Variants in SRSF10 observed in about 807,000 individuals in gnomAD.
SRSF10 encodes the protein serine and arginine rich splicing factor 10.
Under a neutral mutation model 32.6 loss-of-function variants are expected in SRSF10, and 9 were observed. The observed-to-expected ratio is 0.28, with a 90% confidence interval of 0.17 to 0.48. The LOEUF is 0.48. Among genes scored for constraint, SRSF10 ranks in the 20% least tolerant of loss-of-function variants. The probability of loss-of-function intolerance (pLI) is 0.99; values close to 1 mark genes in which losing one functional copy is unlikely to be tolerated. For missense variants in SRSF10, 201 were observed against 331.8 expected, an observed-to-expected ratio of 0.61 and a Z score of 3.06; for synonymous variants, 105 against 112.4, an observed-to-expected ratio of 0.93 and a Z score of 0.42.
chr1:23,965,814 C>T lies in SRSF10; in HGVS notation c.*5328G>A, dbSNP rs1641423020. On this transcript the variant is annotated 3_prime_UTR_variant, in exon 6 of 6. Transcript: ENST00000492112. ...TAATTTTTTTTAAACAAAACCCCAA[C>T]TCAATATGCACCTTAATTCTCCCCC... The T allele has an allele frequency of 2.0e-5, 3 of 151,822 alleles. No homozygotes were observed. The highest frequency in any genetic ancestry group is 7.2e-5 in the African/African-American group (3 of 41,402). 9.4% of individuals were successfully genotyped at this position (151,822 alleles called of 1,614,324 possible).
chr1:23,980,315 G>A lies in SRSF10; in HGVS notation c.-60C>T. The A allele has an allele frequency of 1.5e-6, 2 of 1,378,322 alleles. No individual in the cohort carries two copies. The highest frequency in any genetic ancestry group is 1.9e-4 in the Middle Eastern group (1 of 5,260). The allele number at this position is 1,378,322 out of a possible 1,614,324, so 85.4% of individuals were successfully genotyped here. Reference sequence around the variant, plus strand: ...GCTCAGCAAACCGTCCGCGGCTCAGGCGGCCGAGCCTCAGACACACACAGC... The same window carrying A: ...GCTCAGCAAACCGTCCGCGGCTCAGACGGCCGAGCCTCAGACACACACAGC... On this transcript the variant is annotated 5_prime_UTR_variant, in exon 1 of 6. Coordinates refer to ENST00000492112, the MANE Select transcript of SRSF10 (RefSeq NM_054016.4).
At position 23,971,838 on chromosome 1, in the gene SRSF10, C is replaced by T. The variant is rs1245446232; in HGVS notation, c.437+12G>A. 3 of 1,596,906 alleles carry T rather than the reference C, an allele frequency of 1.9e-6. No individual in the cohort carries two copies. The highest frequency in any genetic ancestry group is 2.6e-6 in the Non-Finnish European group (3 of 1,174,196). ...TTTTTAAACAGATCACTGTGCTACA[C>T]AGCACACTTACTTTCTAGGACTATA... On this transcript the variant is annotated intron_variant, in intron 4 of 5. Coordinates refer to ENST00000492112, the MANE Select transcript of SRSF10 (RefSeq NM_054016.4).
chr1:23,973,215 T>C (rs1269735113), intron 3 of SRSF10, among the ~76,000 whole-genome samples: 2 of 152,250 alleles, frequency 1.3e-5, no homozygotes, highest in Admixed American at 1.3e-4. Context: ...ATAATACTAA[T>C]ATCCCCAACT....
Position 23,970,722 on chromosome 1 carries a change from G to C in SRSF10, c.*420C>G, listed in dbSNP as rs1641707179. On this transcript the variant is annotated 3_prime_UTR_variant, in exon 6 of 6. Transcript: ENST00000492112. ...GAACCTAAATGTGTCTGAGCAGTCA[G>C]TGTTGTACTGTGGCTACTACTTCAC... 1.0e-6 allele frequency: 1 copy of C among 1,003,298 alleles called. No homozygotes were observed. The highest frequency in any genetic ancestry group is 1.2e-6 in the Non-Finnish European group (1 of 841,544). 62.1% of individuals were successfully genotyped at this position (1,003,298 alleles called of 1,614,324 possible). A position where few individuals can be genotyped will look rare whatever the true frequency, so the allele number is the denominator to read the frequency against.
In SRSF10 at chr1:23,969,219, C is replaced by G. The variant is rs1641605120; in HGVS notation, c.*1923G>C. ...TGTTAAAAAGAACATATAAAAATAC[C>G]TTTTTAGAAGCCTCTATAAGAAAGA... On this transcript the variant is annotated 3_prime_UTR_variant, in exon 6 of 6. Coordinates refer to ENST00000492112, the MANE Select transcript of SRSF10 (RefSeq NM_054016.4). The G allele has an allele frequency of 1.7e-5, 17 of 984,934 alleles. No homozygotes were observed. The highest frequency in any genetic ancestry group is 2.1e-5 in the Non-Finnish European group (17 of 829,208). The allele number at this position is 984,934 out of a possible 1,614,324, so 61.0% of individuals were successfully genotyped here. A position where few individuals can be genotyped will look rare whatever the true frequency, so the allele number is the denominator to read the frequency against.
At position 23,974,841 on chromosome 1, in the gene SRSF10, AAAAG is replaced by A. The variant is rs1442500130; in HGVS notation, c.274+129_274+132del. ...GAGTGAGACTCCGTCTCAAAAAAAA[AAAAG>A]AAAGAAAGAAAGAAAAAAAAGATCC... On this transcript the variant is annotated intron_variant, in intron 3 of 5. Coordinates refer to ENST00000492112, the MANE Select transcript of SRSF10 (RefSeq NM_054016.4). 292 of 728,342 alleles carry A rather than the reference AAAAG, an allele frequency of 4.0e-4. 1 individual carries two copies. The highest frequency in any genetic ancestry group is 2.0e-3 in the Middle Eastern group (5 of 2,458). 45.1% of individuals were successfully genotyped at this position (728,342 alleles called of 1,614,324 possible).
chr1:23,972,797 G>A (rs4397609), intron 3 of SRSF10, among the ~76,000 whole-genome samples: 149,218 of 150,780 alleles, frequency 0.99, 73,852 homozygotes, highest in South Asian at 1. Flanking sequence ...GCCGGAGTGC[G>A]ATGGCGCAAT....
At position 23,966,996 on chromosome 1, in the gene SRSF10, A is replaced by C. The variant is rs1641485729; in HGVS notation, c.*4146T>G. On this transcript the variant is annotated 3_prime_UTR_variant, in exon 6 of 6. Transcript: ENST00000492112. ...CATTTACTGAATAAGGGAATTATCT[A>C]TTTTTCTCAATTATCCAGTACAATG... 1 of 152,070 alleles carries C rather than the reference A, an allele frequency of 6.6e-6. No individual in the cohort carries two copies. The highest frequency in any genetic ancestry group is 2.1e-4 in the South Asian group (1 of 4,830). 9.4% of individuals were successfully genotyped at this position (152,070 alleles called of 1,614,324 possible). A position where few individuals can be genotyped will look rare whatever the true frequency, so the allele number is the denominator to read the frequency against.
chr1:23,971,689 A>G (rs1330471654), intron 4 of SRSF10, 63 bp from the exon 5 acceptor site: 145 of 1,566,094 alleles, frequency 9.3e-5, no homozygotes, highest in Non-Finnish European at 1.2e-4. Flanking sequence ...GTTTCTAATT[A>G]AAAGCAAACC....
Position 23,967,717 on chromosome 1 carries a change from G to A in SRSF10, c.*3425C>T. On this transcript the variant is annotated 3_prime_UTR_variant, in exon 6 of 6. Coordinates refer to ENST00000492112, the MANE Select transcript of SRSF10 (RefSeq NM_054016.4). ...AACTGTACTGGGTATTCCAGCTGCA[G>A]TTTGGTCTTAAATAAAAGAAGGATG... 6.2e-7 allele frequency: 1 copy of A among 1,610,710 alleles called. No homozygotes were observed. Among genetic ancestry groups the A allele is most frequent in the Non-Finnish European group, 8.5e-7 (1 of 1,177,174 alleles).
chr1:23,971,451 G>T lies in SRSF10; in HGVS notation c.492-12C>A. ...TTCGGTGTTTGAATCTTTCAAAACA[G>T]AGGAGAGATATAATTAGAGTAAAAA... On this transcript the variant is annotated splice_polypyrimidine_tract_variant and intron_variant, in intron 5 of 5. Coordinates refer to ENST00000492112, the MANE Select transcript of SRSF10 (RefSeq NM_054016.4). 1 of 1,602,858 alleles carries T rather than the reference G, an allele frequency of 6.2e-7. No individual in the cohort carries two copies. Among genetic ancestry groups the T allele is most frequent in the Non-Finnish European group, 8.5e-7 (1 of 1,176,658 alleles).
In SRSF10 at chr1:23,964,776, AAG is replaced by A. The variant is rs1641372109; in HGVS notation, c.*6364_*6365del. ...GTTGTACCCAGGTGGTTACAAATCT[AAG>A]AGCAAAATCTTAAAAAAACCCAAGA... On this transcript the variant is annotated 3_prime_UTR_variant, in exon 6 of 6. Coordinates refer to ENST00000492112, the MANE Select transcript of SRSF10 (RefSeq NM_054016.4). The A allele has an allele frequency of 6.6e-6, 1 of 151,992 alleles. No individual in the cohort carries two copies. Among genetic ancestry groups the A allele is most frequent in the African/African-American group, 2.4e-5 (1 of 41,432 alleles). The allele number at this position is 151,992 out of a possible 1,614,324, so 9.4% of individuals were successfully genotyped here.
chr1:23,969,092 T>C lies in SRSF10; in HGVS notation c.*2050A>G. On this transcript the variant is annotated 3_prime_UTR_variant, in exon 6 of 6. Coordinates refer to ENST00000492112, the MANE Select transcript of SRSF10 (RefSeq NM_054016.4). ...CAGTTAATCATTATTTCCTTCATTT[T>C]GTTTTTATTATAGCATGTTTGCTTA... is the stretch of plus-strand genomic sequence containing the variant. The C allele has an allele frequency of 1.5e-5, 15 of 979,808 alleles. No homozygotes were observed. Among genetic ancestry groups the C allele is most frequent in the Non-Finnish European group, 1.8e-5 (15 of 824,376 alleles). The allele number at this position is 979,808 out of a possible 1,614,324, so 60.7% of individuals were successfully genotyped here.
At position 23,968,858 on chromosome 1, in the gene SRSF10, G is replaced by C. The variant is rs1641587579; in HGVS notation, c.*2284C>G. ...TAACCTCTTAAGTTAGTTAACCCAA[G>C]AGGCTTAATGAGCAATCATGAAACA... is the stretch of plus-strand genomic sequence containing the variant. On this transcript the variant is annotated 3_prime_UTR_variant, in exon 6 of 6. Transcript: ENST00000492112. 6.6e-6 allele frequency among the ~76,000 whole-genome samples: 1 copy of C among 152,110 alleles called. No individual in the cohort carries two copies. The highest frequency in any genetic ancestry group is 1.5e-5 in the Non-Finnish European group (1 of 67,992).
At position 23,980,287 on chromosome 1, in the gene SRSF10, C is replaced by T. The variant is rs1269994824; in HGVS notation, c.-32G>A. The T allele has an allele frequency of 1.4e-6, 2 of 1,438,678 alleles. No homozygotes were observed. Among genetic ancestry groups the T allele is most frequent in the East Asian group, 3.0e-5 (1 of 33,428 alleles). 89.1% of individuals were successfully genotyped at this position (1,438,678 alleles called of 1,614,324 possible). A position where few individuals can be genotyped will look rare whatever the true frequency, so the allele number is the denominator to read the frequency against. On this transcript the variant is annotated 5_prime_UTR_variant, in exon 1 of 6. Transcript: ENST00000492112. ...GGCGTGTCTCGGCCGGGCGCACTAACGGGCTCAGCAAACCGTCCGCGGCTC... is the reference window on the plus strand; with the variant it reads ...GGCGTGTCTCGGCCGGGCGCACTAATGGGCTCAGCAAACCGTCCGCGGCTC...
At chr1:23,972,994 C>G (rs1403498862) in intron 3 of SRSF10, among the ~76,000 whole-genome samples, 2 of 152,172 alleles carry the variant, frequency 1.3e-5, no homozygotes, top group Admixed American at 1.3e-4. Context: ...CCCCTGCCCG[C>G]CTTGACCTCC....
Position 23,969,124 on chromosome 1 carries a change from A to C in SRSF10, c.*2018T>G. On this transcript the variant is annotated 3_prime_UTR_variant, in exon 6 of 6. Coordinates refer to ENST00000492112, the MANE Select transcript of SRSF10 (RefSeq NM_054016.4). Reference sequence around the variant, plus strand: ...ATTATAGCATGTTTGCTTAATTTACAGCAAGCAGAAAATAAGCTGGGTCTT... The same window carrying C: ...ATTATAGCATGTTTGCTTAATTTACCGCAAGCAGAAAATAAGCTGGGTCTT... 1 of 985,570 alleles carries C rather than the reference A, an allele frequency of 1.0e-6. No individual in the cohort carries two copies. The highest frequency in any genetic ancestry group is 1.2e-6 in the Non-Finnish European group (1 of 829,648). The allele number at this position is 985,570 out of a possible 1,614,324, so 61.1% of individuals were successfully genotyped here. A position where few individuals can be genotyped will look rare whatever the true frequency, so the allele number is the denominator to read the frequency against.
At chr1:23,977,658 G>C (rs2148511878) in intron 2 of SRSF10, 1 of 154,376 alleles carries the variant, frequency 6.5e-6, no homozygotes, top group East Asian at 1.9e-4. Context: ...AGCACTGCCT[G>C]CTACTCCGTG....
chr1:23,979,886 C>G (rs1479752922), intron 1 of SRSF10, among the ~76,000 whole-genome samples: 4 of 150,578 alleles, frequency 2.7e-5, no homozygotes, highest in African/African-American at 7.3e-5. Context: ...GCCGTCGGGT[C>G]GCGGAAAGGC....
Sources: allele counts gnomAD v4.1 joint callset (sites outside exome capture counted in the v4.1 genomes callset), GRCh38; gene constraint gnomAD v4.1.1; transcripts MANE v1.5; gene names NCBI Gene and HGNC (gene_info 2026-07-23, HGNC 2026-07-21).